The following EP300 variants were observed in gnomAD, a reference collection of about 807,000 sequenced individuals.
EP300 encodes the protein histone acetyltransferase p300.
Under a neutral mutation model 264.0 loss-of-function variants are expected in EP300, and 31 were observed. The ratio of observed to expected loss-of-function variants is 0.12; its 90% CI spans 0.09 to 0.16. The LOEUF (loss-of-function observed/expected upper bound fraction) is 0.16. Among genes scored for constraint, EP300 ranks in the 10% least tolerant of loss-of-function variants. The pLI is 1.00. For synonymous variants in EP300, 1,340 were observed against 1,045.4 expected (o/e 1.28, Z -5.44); for missense variants, 2,766 against 3,052.9 (o/e 0.91, Z 2.21).
At chr22:41,160,341 C>T in intron 19 of EP300, 1 of 380,810 alleles carries the variant, frequency 2.6e-6, no homozygotes, top group East Asian at 5.1e-5. Flanking sequence ...TGTTGTCTTG[C>T]AATCCCTCAT....
chr22:41,170,371 C>A lies in EP300; in HGVS notation c.4287-35C>A, dbSNP rs777837901. ...TGTAGCCTTCTAGAATAGATTATCT[C>A]TTTTCCTTAATGTTCTTTCTCTTTG... On this transcript the variant is annotated intron_variant, in intron 26 of 30. Transcript: ENST00000263253. 6.6e-5 allele frequency: 106 copies of A among 1,599,818 alleles called. No individual in the cohort carries two copies. In the East Asian group the frequency reaches 2.3e-3, roughly 35 times the overall value.
chr22:41,106,837 C>T (rs1473930142), intron 1 of EP300, among the ~76,000 whole-genome samples: 1 of 152,134 alleles, frequency 6.6e-6, no homozygotes, highest in Non-Finnish European at 1.5e-5. Flanking sequence ...GCTCAAGCAG[C>T]CTGCCTTGGC....
intron 2 of EP300, among the ~76,000 whole-genome samples, chr22:41,118,649 A>G (rs545183097): frequency 1.3e-5 from 2 of 152,212 alleles, no homozygotes; most frequent in African/African-American, 2.4e-5. Flanking sequence ...TTGAGCAGAC[A>G]TCAGGACTTC....
chr22:41,117,852 C>T (rs745947657), intron 2 of EP300, 31 bp downstream of exon 2: 14 of 1,612,604 alleles, frequency 8.7e-6, no homozygotes, highest in African/African-American at 4.0e-5. Context: ...TGTGCACAAT[C>T]GGCATGCATG....
intron 1 of EP300, among the ~76,000 whole-genome samples, chr22:41,105,069 C>A (rs1426737031): frequency 6.6e-6 from 1 of 151,222 alleles, no homozygotes; most frequent in African/African-American, 2.4e-5. Flanking sequence ...TAGTGGCGGG[C>A]GCCTGTAGTC....
chr22:41,164,754 C>CT (rs1402556253), intron 22 of EP300, among the ~76,000 whole-genome samples: 2 of 152,056 alleles, frequency 1.3e-5, no homozygotes, highest in Non-Finnish European at 2.9e-5. Context: ...CATCTAGAAA[C>CT]TAGGATCATG....
intron 29 of EP300, chr22:41,174,460 T>TG (rs2059188624): frequency 6.6e-6 from 1 of 152,204 alleles, no homozygotes; most frequent in South Asian, 2.1e-4. Flanking sequence ...TAAATAGAAT[T>TG]GGAGAAAAGT....
chr22:41,161,750 G>A (rs1292993140), intron 20 of EP300, among the ~76,000 whole-genome samples: 1 of 152,174 alleles, frequency 6.6e-6, no homozygotes, highest in Non-Finnish European at 1.5e-5. Flanking sequence ...ATTTACTTCT[G>A]TTCAGGACGT....
At chr22:41,140,874 T>A (rs2058978340) in intron 9 of EP300, among the ~76,000 whole-genome samples, 174 bp from the exon 10 acceptor site, 1 of 152,238 alleles carries the variant, frequency 6.6e-6, no homozygotes, top group Non-Finnish European at 1.5e-5. Flanking sequence ...TTAACTGTTG[T>A]TCACGGTAGT....
At chr22:41,141,324 T>C in intron 10 of EP300, 102 bp downstream of exon 10, 1 of 1,301,216 alleles carries the variant, frequency 7.7e-7, no homozygotes, top group Admixed American at 2.2e-5. Context: ...TATTCTAGAG[T>C]TTTTTAAATA....
At chr22:41,149,299 A>C in intron 13 of EP300, 124 bp downstream of exon 13, 1 of 1,140,354 alleles carries the variant, frequency 8.8e-7, no homozygotes, top group Non-Finnish European at 1.3e-6. Context: ...AAAAAATAAC[A>C]ATTTTGGACT....
Position 41,135,666 on chromosome 22 carries a change from A to G in EP300, c.1529-147A>G, listed in dbSNP as rs17384028. The G allele has an allele frequency of 3.1e-3, 2,063 of 659,728 alleles. 34 individuals carry two copies. In the African/African-American group the frequency reaches 0.033, roughly 11 times the overall value. 40.9% of individuals were successfully genotyped at this position (659,728 alleles called of 1,614,324 possible). On this transcript the variant is annotated intron_variant, in intron 6 of 30. Transcript: ENST00000263253. The stretch of plus-strand genomic sequence containing the variant: ...GGGTGCTTCAAATCAGCCTTTACAT[A>G]TGTGTTGCCAGTTATATTGTCAATT...
At chr22:41,154,111 T>C (rs568741615) in intron 16 of EP300, among the ~76,000 whole-genome samples, 10 of 152,342 alleles carry the variant, frequency 6.6e-5, no homozygotes, top group African/African-American at 2.4e-4. Context: ...TCTATTATTT[T>C]AGCAATACCA....
intron 1 of EP300, among the ~76,000 whole-genome samples, chr22:41,104,010 C>T (rs548064599): frequency 3.9e-4 from 60 of 152,240 alleles, no homozygotes; most frequent in African/African-American, 1.3e-3. Flanking sequence ...GAAAATATAC[C>T]AGATACCAAC....
chr22:41,157,092 A>G, intron 17 of EP300, 77 bp from the exon 18 acceptor site: 1 of 1,583,670 alleles, frequency 6.3e-7, no homozygotes, highest in Middle Eastern at 1.7e-4. Context: ...GAAAATTAAC[A>G]ATGATAATGG....
intron 1 of EP300, among the ~76,000 whole-genome samples, chr22:41,102,024 C>G (rs991181498): frequency 3.7e-4 from 47 of 126,632 alleles, no homozygotes; most frequent in African/African-American, 1.3e-3. Context: ...GCTTTTTTTT[C>G]TTTTCTTTTT....
rs774840930 is a variant in EP300, at chr22:41,149,894, G to C, written c.2513G>C (p.Arg838Pro). 3 of 1,613,506 alleles carry C rather than the reference G, an allele frequency of 1.9e-6. No individual in the cohort carries two copies. Among genetic ancestry groups the C allele is most frequent in the African/African-American group, 1.3e-5 (1 of 74,706 alleles). The part of the protein sequence containing the change: ...HQNSPSPVPS[R>P]TPTPHHTPPS... Reference sequence around the variant, plus strand: ...AATTCACCCTCGCCTGTACCTAGTCGTACCCCCACCCCTCACCATACTCCC... The same window carrying C: ...AATTCACCCTCGCCTGTACCTAGTCCTACCCCCACCCCTCACCATACTCCC... The change falls in exon 14 of 31, where the codon CGT (arginine) becomes CCT (proline). Residue 838 changes from arginine to proline, a missense_variant. Arg to Pro is a moderately radical substitution (Grantham distance 103). Transcript: ENST00000263253.
At chr22:41,112,829 G>A (rs1365396698) in intron 1 of EP300, among the ~76,000 whole-genome samples, 1 of 151,858 alleles carries the variant, frequency 6.6e-6, no homozygotes, top group Non-Finnish European at 1.5e-5. Flanking sequence ...ATTAACCAAG[G>A]GCTTATTTTC....
chr22:41,162,663 C>A, intron 20 of EP300, 60 bp from the exon 21 acceptor site: 2 of 1,344,784 alleles, frequency 1.5e-6, no homozygotes, highest in Non-Finnish European at 2.1e-6. Flanking sequence ...TTGGTTAGAA[C>A]AGCAGTCAGA....
Sources: gnomAD v4.1 joint callset for allele counts (sites outside exome capture counted in the v4.1 genomes callset) on GRCh38, gnomAD v4.1.1 for gene constraint, MANE v1.5 for transcripts, NCBI Gene and HGNC (gene_info 2026-07-23, HGNC 2026-07-21) for gene names.